ANK2: variants seen among roughly 807,000 people sequenced by gnomAD.
ANK2 encodes ankyrin 2, also known as ankyrin-2.
ANK2 carries 83 observed loss-of-function variants against 360.5 expected under a neutral mutation model. That is an observed-to-expected ratio of 0.23 (90% confidence interval 0.19 to 0.28). The LOEUF (loss-of-function observed/expected upper bound fraction) is 0.28. ANK2 is among the 10% of genes least tolerant of loss of function. The probability of loss-of-function intolerance (pLI) is 1.00; values close to 1 mark genes in which losing one functional copy is unlikely to be tolerated. For missense variants in ANK2, 4,201 were observed against 4,795.7 expected (o/e 0.88, Z 3.66); for synonymous variants, 1,740 against 1,759.5 (o/e 0.99, Z 0.28).
chr4:112,910,745 CT>C (rs1561057235), intron 2 of ANK2, among the ~76,000 whole-genome samples: 1 of 151,992 alleles, frequency 6.6e-6, no homozygotes, highest in Non-Finnish European at 1.5e-5. Flanking sequence ...TATCTTTTGT[CT>C]TTTTTACCTT....
At chr4:112,757,262 G>A in the ANK2 span, among the ~76,000 whole-genome samples, 9 of 151,738 alleles carry the variant, frequency 5.9e-5, no homozygotes, top group Non-Finnish European at 7.4e-5. Flanking sequence ...ACAGACGCCC[G>A]CCACCAAGCC....
intron 1 of ANK2, among the ~76,000 whole-genome samples, chr4:112,903,070 T>G (rs1305880457): frequency 1.3e-5 from 2 of 152,190 alleles, no homozygotes; most frequent in South Asian, 4.1e-4. Flanking sequence ...AATCCAGGAA[T>G]TGTTTCACAC....
At chr4:113,280,371 G>A (rs1022853170) in intron 17 of ANK2, among the ~76,000 whole-genome samples, 8 of 152,146 alleles carry the variant, frequency 5.3e-5, no homozygotes, top group African/African-American at 1.4e-4. Flanking sequence ...TGCACGTACC[G>A]AGTTCAGAAG....
At chr4:113,140,597 C>A (rs2096601626) in intron 1 of ANK2, among the ~76,000 whole-genome samples, 1 of 152,124 alleles carries the variant, frequency 6.6e-6, no homozygotes, top group Non-Finnish European at 1.5e-5. Flanking sequence ...TTCAATGACT[C>A]TGAGTGAAAC....
chr4:112,747,181 G>A, the ANK2 span, among the ~76,000 whole-genome samples: 1 of 152,156 alleles, frequency 6.6e-6, no homozygotes, highest in Non-Finnish European at 1.5e-5. Flanking sequence ...AACTCTGTGG[G>A]GATTTTCAAA....
chr4:112,790,484 CTTT>C, the ANK2 span, among the ~76,000 whole-genome samples: 44,901 of 113,082 alleles, frequency 0.4, 8,673 homozygotes, highest in East Asian at 0.78. Flanking sequence ...CTTTTCTTTT[CTTT>C]TTTTTTTTTT....
At position 113,232,237 on chromosome 4, in the gene ANK2, C is replaced by G. The variant is rs761787736; in HGVS notation, c.461C>G (p.Ala154Gly). 3 of 1,597,508 alleles carry G rather than the reference C, an allele frequency of 1.9e-6. No homozygotes were observed. In the Admixed American group the frequency reaches 5.0e-5, roughly 27 times the overall value. The change falls in exon 5 of 46, where the codon GCT (alanine) becomes GGT (glycine). Residue 154 changes from alanine (A) to glycine (G), a missense_variant. Transcript: ENST00000357077. ...DVVKYLLENG[A>G]NQSTATEDGF... ...GTAAAATATTTGCTGGAAAATGGAGCTAATCAGAGCACTGCTACAGAGGTA... is the reference window on the plus strand; with the variant it reads ...GTAAAATATTTGCTGGAAAATGGAGGTAATCAGAGCACTGCTACAGAGGTA...
intron 2 of ANK2, among the ~76,000 whole-genome samples, chr4:113,180,949 C>G (rs2098398092): frequency 1.3e-5 from 2 of 152,180 alleles, no homozygotes; most frequent in Non-Finnish European, 2.9e-5. Flanking sequence ...TTCGATGCAT[C>G]AGTGCTGGTC....
chr4:112,882,136 G>T, intron 1 of ANK2: 1 of 257,402 alleles, frequency 3.9e-6, no homozygotes, highest in African/African-American at 2.2e-5. Flanking sequence ...TTTAGGACAG[G>T]ACGGCCCTGG....
At chr4:113,186,587 TTC>T (rs1554246496) in intron 2 of ANK2, among the ~76,000 whole-genome samples, 12 of 46,838 alleles carry the variant, frequency 2.6e-4, no homozygotes, top group South Asian at 7.8e-4. Context: ...TCTCTCTCTC[TTC>T]TCTCTCTCTC....
At chr4:113,120,305 G>T (rs1388596699) in intron 1 of ANK2, among the ~76,000 whole-genome samples, 8 of 151,982 alleles carry the variant, frequency 5.3e-5, no homozygotes, top group Non-Finnish European at 5.9e-5. Flanking sequence ...CTAATTATTA[G>T]CTTATATTAG....
chr4:112,810,442 T>C, the ANK2 span, among the ~76,000 whole-genome samples: 1 of 152,266 alleles, frequency 6.6e-6, no homozygotes, highest in Non-Finnish European at 1.5e-5. Flanking sequence ...TCCAGCCAAG[T>C]TGCTCAAATC....
intron 2 of ANK2, among the ~76,000 whole-genome samples, chr4:113,187,658 C>T (rs1164495908): frequency 1.3e-5 from 2 of 152,084 alleles, no homozygotes; most frequent in African/African-American, 2.4e-5. Context: ...ATTAAACTTA[C>T]CAGGGAGAGA....
At chr4:112,890,369 T>C (rs999260702) in intron 1 of ANK2, among the ~76,000 whole-genome samples, 2 of 152,082 alleles carry the variant, frequency 1.3e-5, no homozygotes, top group African/African-American at 4.8e-5. Context: ...TTCAAGAGCA[T>C]GGTGTGGTTC....
chr4:112,766,587 A>G, the ANK2 span, among the ~76,000 whole-genome samples: 43 of 152,196 alleles, frequency 2.8e-4, no homozygotes, highest in African/African-American at 9.6e-4. Flanking sequence ...TACTCTGGGT[A>G]TTGACTTCAC....
the ANK2 span, among the ~76,000 whole-genome samples, chr4:112,805,154 G>C: frequency 6.6e-6 from 1 of 152,112 alleles, no homozygotes. Context: ...CGGAAAGGAG[G>C]GCTGGGCTGA....
At chr4:112,934,722 T>C (rs2093587101) in intron 2 of ANK2, among the ~76,000 whole-genome samples, 1 of 152,186 alleles carries the variant, frequency 6.6e-6, no homozygotes, top group Non-Finnish European at 1.5e-5. Context: ...CTGAACAAAA[T>C]AAAATATCCT....
chr4:112,726,826 T>C, the ANK2 span, among the ~76,000 whole-genome samples: 1 of 132,282 alleles, frequency 7.6e-6, no homozygotes, highest in African/African-American at 3.0e-5. Flanking sequence ...CACTCCAGCC[T>C]GGGTGACAGA....
chr4:112,786,247 TAAAA>T, the ANK2 span, among the ~76,000 whole-genome samples: 1 of 127,494 alleles, frequency 7.8e-6, no homozygotes, highest in Non-Finnish European at 1.7e-5. Context: ...AAAAAAAAAG[TAAAA>T]AAAAAAAAAA....
Sources: gnomAD v4.1 joint callset for allele counts (sites outside exome capture counted in the v4.1 genomes callset) on GRCh38, gnomAD v4.1.1 for gene constraint, MANE v1.5 for transcripts, NCBI Gene and HGNC (gene_info 2026-07-23, HGNC 2026-07-21) for gene names.